Variants in ITGA8 observed in about 807,000 individuals in gnomAD.
ITGA8 encodes the protein integrin subunit alpha 8, also known as integrin alpha-8.
ITGA8 carries 91 observed loss-of-function variants against 142.3 expected under a neutral mutation model. The observed-to-expected ratio is 0.64, with a 90% CI of 0.54 to 0.76. The LOEUF (loss-of-function observed/expected upper bound fraction) is 0.76. ITGA8 is among the 30% of genes least tolerant of loss of function. ITGA8 has a pLI of 0.00. For synonymous variants in ITGA8, 505 were observed against 485.2 expected (o/e 1.04, Z -0.54); for missense variants, 1,406 against 1,327.7 (o/e 1.06, Z -0.92).
At chr10:15,678,923 A>G in intron 4 of ITGA8, 140 bp from the exon 5 acceptor site, 1 of 511,218 alleles carries the variant, frequency 2.0e-6, no homozygotes, top group Non-Finnish European at 3.4e-6. Flanking sequence ...GTTTATTTTT[A>G]AAATGTTGTT....
At chr10:15,563,452 A>AT (rs56148887) in intron 25 of ITGA8, among the ~76,000 whole-genome samples, 58,144 of 151,978 alleles carry the variant, frequency 0.38, 11,571 homozygotes, top group African/African-American at 0.48. Flanking sequence ...AATCATGTAA[A>AT]TTTTTTATAG....
chr10:15,661,651 T>C (rs966451510), intron 8 of ITGA8, among the ~76,000 whole-genome samples: 1 of 152,172 alleles, frequency 6.6e-6, no homozygotes, highest in Non-Finnish European at 1.5e-5. Flanking sequence ...GCTTTTACTA[T>C]AGTGACATCT....
intron 6 of ITGA8, among the ~76,000 whole-genome samples, chr10:15,676,553 T>A (rs555703157): frequency 1.3e-5 from 2 of 152,252 alleles, no homozygotes; most frequent in East Asian, 3.9e-4. Context: ...TTAATGCCTG[T>A]TATCATTCTC....
Position 15,647,449 on chromosome 10 carries a change from GTT to G in ITGA8, c.1002-400_1002-399del, listed in dbSNP as rs71505078. On this transcript the variant is annotated intron_variant, in intron 11 of 29. Coordinates refer to ENST00000378076, the MANE Select transcript of ITGA8 (RefSeq NM_003638.3). ...TATGACTATACATTTAAATTATTCA[GTT>G]TTTTTTTTTTTTTTTTTTTTTTGAG... Among the ~76,000 whole-genome samples, 799 of 91,406 alleles carry G rather than the reference GTT, an allele frequency of 8.7e-3. 2 individuals are homozygous for G. Among genetic ancestry groups the G allele is most frequent in the African/African-American group, 0.027 (625 of 23,224 alleles). 60.0% of individuals were successfully genotyped at this position (91,406 alleles called of 152,430 possible). A position where few individuals can be genotyped will look rare whatever the true frequency, so the allele number is the denominator to read the frequency against.
At chr10:15,591,546 C>A (rs890335952) in intron 22 of ITGA8, among the ~76,000 whole-genome samples, 3 of 151,816 alleles carry the variant, frequency 2.0e-5, no homozygotes, top group African/African-American at 7.3e-5. Flanking sequence ...GCTGGGAAGC[C>A]CCAGCCCAAA....
intron 13 of ITGA8, among the ~76,000 whole-genome samples, chr10:15,643,568 C>T (rs1183033433): frequency 6.6e-6 from 1 of 152,186 alleles, no homozygotes; most frequent in Non-Finnish European, 1.5e-5. Context: ...AGGCATGAGC[C>T]ACCATGATGG....
At chr10:15,559,538 G>A (rs981740375) in intron 25 of ITGA8, among the ~76,000 whole-genome samples, 19 of 152,140 alleles carry the variant, frequency 1.2e-4, no homozygotes, top group South Asian at 2.1e-4. Flanking sequence ...GGAAAGTGTC[G>A]TTTTTATACA....
intron 15 of ITGA8, among the ~76,000 whole-genome samples, chr10:15,608,744 T>C (rs9333156): frequency 0.48 from 72,299 of 151,812 alleles, 17,474 homozygotes; most frequent in South Asian, 0.6. Context: ...ATGGCAAAGT[T>C]GTAGGAGGCA....
At chr10:15,708,791 A>C (rs1835308593) in intron 2 of ITGA8, among the ~76,000 whole-genome samples, 1 of 152,298 alleles carries the variant, frequency 6.6e-6, no homozygotes, top group East Asian at 1.9e-4. Flanking sequence ...TTTCAGGTGG[A>C]AGCTGTAGCA....
At position 15,536,295 on chromosome 10, in the gene ITGA8, G is replaced by GA. The variant is rs200698103; in HGVS notation, c.2881-5145dup. On this transcript the variant is annotated intron_variant, in intron 27 of 29. Coordinates refer to ENST00000378076, the MANE Select transcript of ITGA8 (RefSeq NM_003638.3). ...AGGTTTCTTCCACCCTTGTTGGAAG[G>GA]AAAAAAAAATGCATCTTCACTTTTA... 4.9e-3 allele frequency among the ~76,000 whole-genome samples: 738 copies of GA among 150,416 alleles called. 3 individuals are homozygous for GA. Among genetic ancestry groups the GA allele is most frequent in the Middle Eastern group, 0.017 (5 of 294 alleles).
At chr10:15,625,412 C>T (rs1833563531) in intron 13 of ITGA8, among the ~76,000 whole-genome samples, 1 of 152,186 alleles carries the variant, frequency 6.6e-6, no homozygotes, top group Admixed American at 6.5e-5. Context: ...TTAACTTTAT[C>T]CTCTTCATGG....
chr10:15,621,926 G>A (rs1833498322), intron 13 of ITGA8, among the ~76,000 whole-genome samples: 1 of 152,142 alleles, frequency 6.6e-6, no homozygotes, highest in African/African-American at 2.4e-5. Context: ...GGGAGGCCAA[G>A]GCAGACAGAT....
intron 4 of ITGA8, among the ~76,000 whole-genome samples, chr10:15,680,084 G>A (rs977321239): frequency 6.6e-6 from 1 of 152,122 alleles, no homozygotes. Context: ...CTGGGCATGC[G>A]CCTGTTCAGA....
chr10:15,671,715 A>G, intron 7 of ITGA8, 68 bp from the exon 8 acceptor site: 1 of 1,185,896 alleles, frequency 8.4e-7, no homozygotes, highest in Non-Finnish European at 1.3e-6. Context: ...ATATCTAGAA[A>G]AAGGTGAAAG....
In ITGA8 at chr10:15,613,695, A is replaced by G; in HGVS notation, c.1518T>C (p.Thr506=). ...ATGTCATAGAGTCTGGAACCTGGCA[A>G]GTTTTATTTTCAAGATTGATAATCA... ...HPMIINLENK[T]CQVPDSMTSA... The change falls in exon 15 of 30, where the codon ACT becomes ACC. Residue 506 remains threonine (T), a synonymous_variant. Transcript: ENST00000378076. The G allele has an allele frequency of 6.2e-7, 1 of 1,614,096 alleles. No homozygotes were observed. The highest frequency in any genetic ancestry group is 1.6e-4 in the Middle Eastern group (1 of 6,062).
chr10:15,524,499 G>T (rs140864533), intron 28 of ITGA8, among the ~76,000 whole-genome samples: 35 of 152,296 alleles, frequency 2.3e-4, no homozygotes, highest in African/African-American at 7.2e-4. Flanking sequence ...ATCATTAGAA[G>T]AGTCACGTAT....
intron 2 of ITGA8, among the ~76,000 whole-genome samples, chr10:15,698,295 T>C (rs1337069408): frequency 2.0e-5 from 3 of 152,242 alleles, no homozygotes; most frequent in Non-Finnish European, 4.4e-5. Context: ...CCATACTTTC[T>C]TGATCCACTC....
chr10:15,537,544 G>T (rs780065880), intron 27 of ITGA8, among the ~76,000 whole-genome samples: 1 of 151,956 alleles, frequency 6.6e-6, no homozygotes, highest in African/African-American at 2.4e-5. Flanking sequence ...TGCAGACACC[G>T]GGTCTTCTTT....
In ITGA8 at chr10:15,718,800, A is replaced by T. The variant is rs997591025; in HGVS notation, c.309T>A (p.Ser103=). The change falls in exon 2 of 30, where the codon TCT becomes TCA. Residue 103 remains serine (S), a synonymous_variant. Coordinates refer to ENST00000378076, the MANE Select transcript of ITGA8 (RefSeq NM_003638.3). ...VYYCPWPAEG[S]AQCRQIPFDT... is the part of the protein sequence containing the mutation. ...CAAACGGTATCTGCCTGCACTGCGC[A>T]GACCCCTCCGCGGGCCAAGGACAGT... 1 of 1,614,088 alleles carries T rather than the reference A, an allele frequency of 6.2e-7. No individual in the cohort carries two copies. The highest frequency in any genetic ancestry group is 8.5e-7 in the Non-Finnish European group (1 of 1,180,046).
Sources: allele counts gnomAD v4.1 joint callset (sites outside exome capture counted in the v4.1 genomes callset), GRCh38; gene constraint gnomAD v4.1.1; transcripts MANE v1.5; gene names NCBI Gene and HGNC (gene_info 2026-07-23, HGNC 2026-07-21).